TRIO: variants seen among roughly 807,000 people sequenced by gnomAD.
The protein encoded by TRIO is triple functional domain protein.
A neutral mutation model predicts 351.9 loss-of-function variants in TRIO; 58 were observed. The observed-to-expected ratio is 0.16, with a 90% CI of 0.13 to 0.21. The LOEUF (loss-of-function observed/expected upper bound fraction) is 0.21, where lower values mean the gene tolerates loss of function less well. Among genes scored for constraint, TRIO ranks in the 10% least tolerant of loss-of-function variants. The pLI is 1.00. For synonymous variants in TRIO, 1,758 were observed against 1,595.7 expected (o/e 1.10, Z -2.42); for missense variants, 3,201 against 4,027.8 (o/e 0.79, Z 5.56).
chr5:14,216,260 A>G (rs905589618), intron 1 of TRIO, among the ~76,000 whole-genome samples: 2 of 152,202 alleles, frequency 1.3e-5, no homozygotes, highest in Non-Finnish European at 2.9e-5. Context: ...AATGCTGCAG[A>G]TTCTGTTTTC....
intron 33 of TRIO, 55 bp from the exon 34 acceptor site, chr5:14,419,723 A>C (rs1749954747): frequency 6.3e-7 from 1 of 1,593,836 alleles, no homozygotes; most frequent in South Asian, 1.2e-5. Context: ...GCTGTACCTG[A>C]AGGCACCATG....
chr5:14,199,607 T>G (rs762590080), intron 1 of TRIO, among the ~76,000 whole-genome samples: 1 of 152,178 alleles, frequency 6.6e-6, no homozygotes, highest in Non-Finnish European at 1.5e-5. Context: ...CAGAGAAGCT[T>G]CTTGGGCCTG....
intron 43 of TRIO, among the ~76,000 whole-genome samples, chr5:14,481,018 G>A (rs1477402131): frequency 6.6e-6 from 1 of 151,866 alleles, no homozygotes; most frequent in African/African-American, 2.4e-5. Context: ...CCAATGTCTG[G>A]CCAGTGTGAG....
chr5:14,479,562 C>A (rs1477143995), intron 42 of TRIO, among the ~76,000 whole-genome samples: 1 of 152,072 alleles, frequency 6.6e-6, no homozygotes, highest in Non-Finnish European at 1.5e-5. Flanking sequence ...CAGAAGACTG[C>A]AGTCATTGTT....
At chr5:14,250,312 T>C (rs961252912) in intron 1 of TRIO, among the ~76,000 whole-genome samples, 1 of 152,200 alleles carries the variant, frequency 6.6e-6, no homozygotes, top group African/African-American at 2.4e-5. Context: ...AGAGCGACTG[T>C]GCGTTTGTAA....
In TRIO at chr5:14,383,229, T is replaced by A. The variant is rs16903449; in HGVS notation, c.3570+1977T>A. On this transcript the variant is annotated intron_variant, in intron 21 of 56. Coordinates refer to ENST00000344204, the MANE Select transcript of TRIO (RefSeq NM_007118.4). Reference sequence around the variant, plus strand: ...TAAAGTCCCAAGCTATGTCTGCTTATTTGAATATTGTTTGATTATAAAGGT... The same window carrying A: ...TAAAGTCCCAAGCTATGTCTGCTTAATTGAATATTGTTTGATTATAAAGGT... 5.3e-3 allele frequency among the ~76,000 whole-genome samples: 810 copies of A among 152,278 alleles called. 11 individuals are homozygous for A. Among genetic ancestry groups the A allele is most frequent in the African/African-American group, 0.019 (786 of 41,546 alleles).
chr5:14,353,710 C>G (rs150677016), intron 11 of TRIO, among the ~76,000 whole-genome samples: 320 of 152,292 alleles, frequency 2.1e-3, no homozygotes, highest in African/African-American at 7.3e-3. Flanking sequence ...GCAACCTACA[C>G]TCTTAGTCAT....
chr5:14,347,564 A>G (rs893582627), intron 11 of TRIO, among the ~76,000 whole-genome samples: 4 of 152,250 alleles, frequency 2.6e-5, no homozygotes, highest in Non-Finnish European at 4.4e-5. Context: ...CCGGAAAACT[A>G]CTTTGCTGTG....
At position 14,244,726 on chromosome 5, in the gene TRIO, A is replaced by G. The variant is rs569584103; in HGVS notation, c.158-26099A>G. 2.6e-4 allele frequency among the ~76,000 whole-genome samples: 40 copies of G among 152,338 alleles called. No homozygotes were observed. In the South Asian group the frequency reaches 8.3e-3, roughly 32 times the overall value. ...GTAGCCCACAGCGGCAAGAAGCAGC[A>G]CCTGGGAACTCCACGTTCCACTCCT... On this transcript the variant is annotated intron_variant, in intron 1 of 56. Coordinates refer to ENST00000344204, the MANE Select transcript of TRIO (RefSeq NM_007118.4).
At chr5:14,263,062 C>T (rs1271863232) in intron 1 of TRIO, among the ~76,000 whole-genome samples, 1 of 152,114 alleles carries the variant, frequency 6.6e-6, no homozygotes, top group Non-Finnish European at 1.5e-5. Flanking sequence ...CCAGTGTGCC[C>T]GGTTTTGGAC....
intron 34 of TRIO, among the ~76,000 whole-genome samples, chr5:14,448,872 G>C (rs1561502882): frequency 2.0e-5 from 3 of 152,126 alleles, no homozygotes; most frequent in African/African-American, 7.2e-5. Context: ...GTTCCTTGGG[G>C]ATTTTTTCCT....
At position 14,504,471 on chromosome 5, in the gene TRIO, G is replaced by A. The variant is rs1757521772; in HGVS notation, c.8490G>A (p.Lys2830=). The A allele has an allele frequency of 6.2e-7, 1 of 1,614,064 alleles. No individual in the cohort carries two copies. Among genetic ancestry groups the A allele is most frequent in the African/African-American group, 1.3e-5 (1 of 74,918 alleles). ...TGGCCACTAAGTTTGTGAACAAGAA[G>A]TTGATGAAGCGCGACCAGGTCACCC... ...RAVATKFVNK[K]LMKRDQVTHE... is the part of the protein sequence containing the mutation. Residue 2830 remains lysine, a synonymous_variant, in exon 55 of 57, where the codon AAG becomes AAA. Transcript: ENST00000344204.
chr5:14,382,204 C>T (rs1579489020), intron 21 of TRIO, among the ~76,000 whole-genome samples: 2 of 152,306 alleles, frequency 1.3e-5, no homozygotes, highest in African/African-American at 2.4e-5. Flanking sequence ...TATAAAGTAG[C>T]AAGATTGGTT....
chr5:14,220,627 C>T (rs1298613258), intron 1 of TRIO, among the ~76,000 whole-genome samples: 1 of 152,072 alleles, frequency 6.6e-6, no homozygotes, highest in Non-Finnish European at 1.5e-5. Context: ...GATAAGAAAT[C>T]AAAACAGCCT....
intron 1 of TRIO, among the ~76,000 whole-genome samples, chr5:14,172,156 T>C (rs1038388993): frequency 2.6e-5 from 4 of 152,202 alleles, no homozygotes; most frequent in Non-Finnish European, 5.9e-5. Flanking sequence ...GTGAGTTACT[T>C]TTGCTTGAAG....
chr5:14,152,720 A>G (rs908784500), intron 1 of TRIO, among the ~76,000 whole-genome samples: 2 of 152,076 alleles, frequency 1.3e-5, no homozygotes, highest in African/African-American at 4.8e-5. Flanking sequence ...TGTTGCACTT[A>G]CCCTAATATG....
intron 54 of TRIO, among the ~76,000 whole-genome samples, chr5:14,504,032 G>A (rs888674434): frequency 4.6e-5 from 7 of 152,250 alleles, no homozygotes; most frequent in African/African-American, 7.2e-5. Context: ...GACGGGAGGC[G>A]TGAGCAGCCA....
intron 8 of TRIO, 111 bp from the exon 9 acceptor site, chr5:14,316,402 A>G (rs917212576): frequency 1.2e-5 from 12 of 1,043,318 alleles, no homozygotes; most frequent in Non-Finnish European, 1.7e-5. Context: ...ATGTGTGTAC[A>G]TGTACGTGTG....
chr5:14,306,935 G>A (rs1738425459), intron 8 of TRIO, among the ~76,000 whole-genome samples: 1 of 152,158 alleles, frequency 6.6e-6, no homozygotes, highest in Non-Finnish European at 1.5e-5. Context: ...TTGATAGGAA[G>A]TTAAACAGCC....
Sources: gnomAD v4.1 joint callset for allele counts (sites outside exome capture counted in the v4.1 genomes callset) on GRCh38, gnomAD v4.1.1 for gene constraint, MANE v1.5 for transcripts, NCBI Gene and HGNC (gene_info 2026-07-23, HGNC 2026-07-21) for gene names.